Variants in YBEY observed in about 807,000 individuals in gnomAD.
YBEY encodes the protein ybeY metalloendoribonuclease, also known as endoribonuclease YbeY.
Under a neutral mutation model 13.5 loss-of-function variants are expected in YBEY, and 15 were observed. That is an observed-to-expected ratio of 1.11 (90% CI 0.75 to 1.72). The LOEUF (loss-of-function observed/expected upper bound fraction) is 1.72. Among genes scored for constraint, YBEY ranks in the 40% most tolerant of loss-of-function variants. The probability of loss-of-function intolerance (pLI) is 0.00; values close to 1 mark genes in which losing one functional copy is unlikely to be tolerated. For missense variants in YBEY, 244 were observed against 208.4 expected (o/e 1.17, Z -1.05); for synonymous variants, 101 against 83.1 (o/e 1.21, Z -1.17).
Position 46,297,685 on chromosome 21 carries a change from G to C in YBEY, c.*51G>C, listed in dbSNP as rs2081999277. 2 of 1,272,824 alleles carry C rather than the reference G, an allele frequency of 1.6e-6. No homozygotes were observed. Among genetic ancestry groups the C allele is most frequent in the Middle Eastern group, 2.0e-4 (1 of 4,886 alleles). 78.8% of individuals were successfully genotyped at this position (1,272,824 alleles called of 1,614,324 possible). A position where few individuals can be genotyped will look rare whatever the true frequency, so the allele number is the denominator to read the frequency against. ...ACGCGGGAGGGGTGGAGGCTGCGGGGAGCCGGGGTCGCACACGAATAAATA... is the reference window on the plus strand; with the variant it reads ...ACGCGGGAGGGGTGGAGGCTGCGGGCAGCCGGGGTCGCACACGAATAAATA... On this transcript the variant is annotated 3_prime_UTR_variant, in exon 5 of 5. Coordinates refer to ENST00000397701, the MANE Select transcript of YBEY (RefSeq NM_001314025.2).
At chr21:46,296,094 G>C in intron 3 of YBEY, 68 bp from the exon 4 acceptor site, 1 of 1,574,958 alleles carries the variant, frequency 6.3e-7, no homozygotes. Context: ...CTGTGGCCCT[G>C]GGGTGGCCCT....
At chr21:46,301,671 T>G, downstream of YBEY, 10 of 1,116,310 alleles carry the variant, frequency 9.0e-6, no homozygotes, top group Admixed American at 5.0e-5. Context: ...ACCTCCGTGA[T>G]GGAAGAGGGG....
At chr21:46,298,433 G>GTTTTTTTTTTTTTTTTTTTTTTT (rs1569107101), downstream of YBEY, among the ~76,000 whole-genome samples, 1 of 67,238 alleles carries the variant, frequency 1.5e-5, no homozygotes, top group Non-Finnish European at 3.6e-5. Flanking sequence ...TTTAATCCAA[G>GTTTTTTTTTTTTTTTTTTTTTTT]CTTTTTTTTT....
At chr21:46,298,399 G>C (rs182176712), downstream of YBEY, among the ~76,000 whole-genome samples, 2 of 150,548 alleles carry the variant, frequency 1.3e-5, no homozygotes, top group East Asian at 3.9e-4. Flanking sequence ...AAAAGTACTC[G>C]TGAAAACAGA....
At chr21:46,297,294 T>TTC (rs2081984608) in intron 4 of YBEY, among the ~76,000 whole-genome samples, 4 of 146,150 alleles carry the variant, frequency 2.7e-5, no homozygotes, top group Non-Finnish European at 4.5e-5. Flanking sequence ...TGCCCCCCTT[T>TTC]CTTCCTCCCA....
chr21:46,296,041 TCA>T (rs1225410516), intron 3 of YBEY, 119 bp from the exon 4 acceptor site: 3 of 984,098 alleles, frequency 3.0e-6, no homozygotes, highest in Non-Finnish European at 4.7e-6. Flanking sequence ...CCCAGGGGTC[TCA>T]CAGCAACCCT....
the YBEY span, among the ~76,000 whole-genome samples, chr21:46,309,996 AAAAATAAAAT>A: frequency 1.3e-5 from 2 of 152,080 alleles, no homozygotes; most frequent in Admixed American, 6.6e-5. Context: ...ACTCTGTCTC[AAAAATAAAAT>A]AAAATAAAAT....
At chr21:46,294,757 C>T (rs2081891537) in intron 3 of YBEY, among the ~76,000 whole-genome samples, 1 of 42,594 alleles carries the variant, frequency 2.3e-5, no homozygotes, top group Non-Finnish European at 5.2e-5. Context: ...CAGCTTGATG[C>T]CAAAAAAAAA....
downstream of YBEY, chr21:46,300,617 G>A (rs1445846770): frequency 8.3e-7 from 1 of 1,202,534 alleles, no homozygotes; most frequent in Non-Finnish European, 1.1e-6. Flanking sequence ...GCTGCGCTGG[G>A]CCCTTCGGTG....
intron 3 of YBEY, among the ~76,000 whole-genome samples, chr21:46,294,833 T>G (rs2145826670): frequency 6.6e-6 from 1 of 152,308 alleles, no homozygotes; most frequent in Non-Finnish European, 1.5e-5. Context: ...TGGCCTCCTT[T>G]GGCTGCACAG....
downstream of YBEY, among the ~76,000 whole-genome samples, chr21:46,298,553 C>T (rs1360898255): frequency 2.6e-5 from 4 of 151,328 alleles, no homozygotes; most frequent in African/African-American, 9.7e-5. Context: ...CTTCATCCTC[C>T]CGAGTAGCTG....
the YBEY span, chr21:46,311,533 A>G: frequency 2.5e-6 from 4 of 1,612,006 alleles, no homozygotes; most frequent in East Asian, 8.9e-5. Flanking sequence ...CTGCTGAGGG[A>G]GCTGCTGAAT....
chr21:46,295,049 C>T (rs1325224343), intron 3 of YBEY, among the ~76,000 whole-genome samples: 1 of 152,170 alleles, frequency 6.6e-6, no homozygotes, highest in African/African-American at 2.4e-5. Context: ...AGTGGCCCAG[C>T]CGGAGATTCA....
chr21:46,308,518 A>G, the YBEY span, among the ~76,000 whole-genome samples: 1 of 152,280 alleles, frequency 6.6e-6, no homozygotes, highest in South Asian at 2.1e-4. Flanking sequence ...GTATTTACCC[A>G]AGAGAAATGA....
At chr21:46,302,527 G>A (rs542477807), downstream of YBEY, 17 of 1,612,600 alleles carry the variant, frequency 1.1e-5, no homozygotes, top group South Asian at 1.9e-4. Flanking sequence ...AGTTCTGCAG[G>A]ACCAACTGGT....
chr21:46,292,538 C>G (rs1174206024), intron 3 of YBEY, among the ~76,000 whole-genome samples: 103 of 151,088 alleles, frequency 6.8e-4, no homozygotes, highest in Admixed American at 1.2e-3. Context: ...GTGCCCGGGA[C>G]TGAGTGGGGA....
the YBEY span, chr21:46,311,739 C>G: frequency 8.9e-6 from 4 of 447,560 alleles, 1 homozygote; most frequent in South Asian, 1.4e-4. Flanking sequence ...ATCCAACCAA[C>G]CATCCACCCA....
At position 46,296,071 on chromosome 21, in the gene YBEY, T is replaced by C. The variant is rs2081942633; in HGVS notation, c.340-91T>C. ...GCAACCCTGGGGTCCTGCAGCCACA[T>C]ACCAAGAGCAGCCTGTGGCCCTGGG... On this transcript the variant is annotated intron_variant, in intron 3 of 4. Coordinates refer to ENST00000397701, the MANE Select transcript of YBEY (RefSeq NM_001314025.2). 2.8e-6 allele frequency: 4 copies of C among 1,427,936 alleles called. No individual in the cohort carries two copies. In the South Asian group the frequency reaches 3.5e-5, roughly 12 times the overall value. 88.5% of individuals were successfully genotyped at this position (1,427,936 alleles called of 1,614,324 possible).
intron 2 of YBEY, among the ~76,000 whole-genome samples, chr21:46,288,381 C>G (rs2081553057): frequency 6.6e-6 from 1 of 152,160 alleles, no homozygotes; most frequent in Non-Finnish European, 1.5e-5. Flanking sequence ...AGACAATAAA[C>G]CAAAAGGCAG....
Sources: gnomAD v4.1 joint callset for allele counts (sites outside exome capture counted in the v4.1 genomes callset) on GRCh38, gnomAD v4.1.1 for gene constraint, MANE v1.5 for transcripts, NCBI Gene and HGNC (gene_info 2026-07-23, HGNC 2026-07-21) for gene names.